The following SLC67A1 variants were observed in gnomAD, a reference collection of about 807,000 sequenced individuals.
The protein encoded by SLC67A1 is solute carrier family 67 member A1.
chr11:2,917,488 TG>T, the SLC67A1 span, among the ~76,000 whole-genome samples: 2 of 152,048 alleles, frequency 1.3e-5, no homozygotes, highest in Admixed American at 1.3e-4. Flanking sequence ...TGAGCCGGGC[TG>T]GGGGCCTGTG....
the SLC67A1 span, chr11:2,919,479 G>A: frequency 1.8e-6 from 2 of 1,122,246 alleles, no homozygotes; most frequent in African/African-American, 3.1e-5. Context: ...TGAGAGTAGA[G>A]GCTCCTCCCC....
chr11:2,909,473 G>A, the SLC67A1 span: 6 of 1,433,048 alleles, frequency 4.2e-6, no homozygotes, highest in East Asian at 2.7e-5. Flanking sequence ...AGGGCTGGAC[G>A]GGGGTGGGGG....
the SLC67A1 span, chr11:2,919,273 G>C: frequency 6.6e-7 from 1 of 1,511,874 alleles, no homozygotes; most frequent in Non-Finnish European, 9.2e-7. Context: ...CGGGGTGTGG[G>C]GGTACTCACC....
chr11:2,901,064 T>C, the SLC67A1 span, among the ~76,000 whole-genome samples: 1 of 152,216 alleles, frequency 6.6e-6, no homozygotes, highest in Non-Finnish European at 1.5e-5. Context: ...TTCTATGACC[T>C]GCCCTGGGGA....
chr11:2,902,267 G>C, the SLC67A1 span: 1 of 152,260 alleles, frequency 6.6e-6, no homozygotes, highest in Non-Finnish European at 1.5e-5. Flanking sequence ...TCCCGAAAGG[G>C]CGGGGCCGGG....
the SLC67A1 span, among the ~76,000 whole-genome samples, chr11:2,906,197 G>C: frequency 6.6e-6 from 1 of 152,192 alleles, no homozygotes; most frequent in African/African-American, 2.4e-5. Context: ...TTAGAATGGC[G>C]ATCATGAAAA....
At chr11:2,904,748 G>T in the SLC67A1 span, among the ~76,000 whole-genome samples, 1 of 152,222 alleles carries the variant, frequency 6.6e-6, no homozygotes, top group African/African-American at 2.4e-5. Flanking sequence ...ACGCACAGGG[G>T]CTGCAGTGGG....
chr11:2,912,293 G>A, the SLC67A1 span, among the ~76,000 whole-genome samples: 132 of 152,366 alleles, frequency 8.7e-4, no homozygotes, highest in East Asian at 3.3e-3. Context: ...GGGGCTCACC[G>A]AAGGCAGTGG....
the SLC67A1 span, among the ~76,000 whole-genome samples, chr11:2,923,403 C>G: frequency 4.9e-4 from 31 of 63,674 alleles, no homozygotes; most frequent in Non-Finnish European, 9.6e-4. The surrounding 1 kb of genome is among the most constrained non-coding windows in gnomAD (Gnocchi z 6.5). Context: ...TCCAGAAACT[C>G]AGGGCACACA....
chr11:2,903,361 G>T, the SLC67A1 span: 10 of 1,612,640 alleles, frequency 6.2e-6, no homozygotes, highest in Non-Finnish European at 8.5e-6. Flanking sequence ...GGGAGCTCGG[G>T]CTCCCAGGGA....
the SLC67A1 span, chr11:2,909,309 T>C: frequency 1.3e-6 from 2 of 1,533,850 alleles, no homozygotes; most frequent in Non-Finnish European, 8.7e-7. Flanking sequence ...GGGGTCTACC[T>C]GCTCTTCGCC....
At chr11:2,909,745 C>A in the SLC67A1 span, 1 of 1,429,872 alleles carries the variant, frequency 7.0e-7, no homozygotes, top group Non-Finnish European at 9.1e-7. Context: ...GTCTGTGGGT[C>A]AGGACGCCCG....
the SLC67A1 span, chr11:2,902,458 C>A: frequency 2.8e-6 from 1 of 358,474 alleles, no homozygotes; most frequent in Non-Finnish European, 3.9e-6. Flanking sequence ...GTGCCCCTGA[C>A]GTGCCTGCTG....
the SLC67A1 span, chr11:2,909,558 C>G: frequency 5.9e-6 from 9 of 1,519,436 alleles, no homozygotes; most frequent in Non-Finnish European, 6.1e-6. Context: ...CGCCGCTCAG[C>G]TCCCCCGCCC....
chr11:2,916,477 C>A, the SLC67A1 span: 1 of 655,894 alleles, frequency 1.5e-6, no homozygotes, highest in Non-Finnish European at 2.7e-6. Context: ...GTCCCAGTCC[C>A]CACTCTTTAG....
chr11:2,905,036 A>G, the SLC67A1 span, among the ~76,000 whole-genome samples: 1 of 152,220 alleles, frequency 6.6e-6, no homozygotes, highest in Non-Finnish European at 1.5e-5. Context: ...GCCTGAGCCC[A>G]TAAGGAAGGA....
At chr11:2,901,856 A>T in the SLC67A1 span, among the ~76,000 whole-genome samples, 9 of 152,096 alleles carry the variant, frequency 5.9e-5, no homozygotes, top group African/African-American at 1.9e-4. Context: ...ACCTCCCCTG[A>T]CTTCTTCCCC....
the SLC67A1 span, chr11:2,909,819 G>C: frequency 3.3e-6 from 4 of 1,203,358 alleles, no homozygotes; most frequent in South Asian, 1.7e-5. Flanking sequence ...CGTGGGGCGC[G>C]AGTGGCCACG....
chr11:2,906,657 T>C, the SLC67A1 span, among the ~76,000 whole-genome samples: 5 of 144,902 alleles, frequency 3.5e-5, no homozygotes, highest in South Asian at 2.1e-4. Context: ...TAGGTGGGAA[T>C]TGAACAATGA....
Sources: gnomAD v4.1 joint callset for allele counts (sites outside exome capture counted in the v4.1 genomes callset) on GRCh38, gnomAD v4.1.1 for gene constraint, Gnocchi (gnomAD v3.1) non-coding constraint, MANE v1.5 for transcripts, NCBI Gene and HGNC (gene_info 2026-07-23, HGNC 2026-07-21) for gene names.